TBC1D16: variants seen among roughly 807,000 people sequenced by gnomAD.
The protein encoded by TBC1D16 is TBC1 domain family member 16.
In TBC1D16, 58 loss-of-function variants were observed where a neutral mutation model predicts 74.7. The ratio of observed to expected loss-of-function variants is 0.78; its 90% CI spans 0.63 to 0.97. TBC1D16 has a LOEUF of 0.97. TBC1D16 is among the 50% of genes least tolerant of loss of function. The pLI, the probability that TBC1D16 is intolerant of heterozygous loss-of-function variation, is 0.00. For synonymous variants in TBC1D16, 493 were observed against 474.7 expected (o/e 1.04, Z -0.50); for missense variants, 1,014 against 1,079.5 (o/e 0.94, Z 0.85).
In TBC1D16 at chr17:80,006,941, G is replaced by A. The variant is rs575017446; in HGVS notation, c.779+3219C>T. 7.9e-5 allele frequency among the ~76,000 whole-genome samples: 12 copies of A among 152,276 alleles called. No homozygotes were observed. In the South Asian group the frequency reaches 1.9e-3, roughly 24 times the overall value. On this transcript the variant is annotated intron_variant, in intron 3 of 11. Coordinates refer to ENST00000310924, the MANE Select transcript of TBC1D16 (RefSeq NM_019020.4). Reference sequence around the variant, plus strand: ...CTCCCAAAGTGCTGGGATTACAGGCGTGAGTCACAGTGCCCGGCCTCCATA... The same window carrying A: ...CTCCCAAAGTGCTGGGATTACAGGCATGAGTCACAGTGCCCGGCCTCCATA...
chr17:80,015,021 A>T (rs750954013), intron 1 of TBC1D16, among the ~76,000 whole-genome samples: 2 of 152,208 alleles, frequency 1.3e-5, no homozygotes, highest in Non-Finnish European at 2.9e-5. Context: ...TCTACCAACA[A>T]AAATGAAACC....
rs190736592 is a variant in TBC1D16, at chr17:79,979,338, C to T, written c.780-26520G>A. Among the ~76,000 whole-genome samples the T allele has an allele frequency of 6.6e-6, 1 of 152,278 alleles. No homozygotes were observed. Among genetic ancestry groups the T allele is most frequent in the African/African-American group, 2.4e-5 (1 of 41,552 alleles). The stretch of plus-strand genomic sequence containing the variant: ...GCACACACGCTCCAGGGATGCACAC[C>T]CACGCCCTGGACCCCAGCAGAGGGA... On this transcript the variant is annotated intron_variant, in intron 3 of 11. Coordinates refer to ENST00000310924, the MANE Select transcript of TBC1D16 (RefSeq NM_019020.4). The surrounding 1 kb of genome is among the most constrained non-coding windows in gnomAD (Gnocchi z 4.8).
rs780026192 is a variant in TBC1D16 at position 79,951,518 on chromosome 17, C to T, written c.1021G>A (p.Gly341Ser). The T allele has an allele frequency of 1.2e-5, 20 of 1,614,068 alleles. No homozygotes were observed. The highest frequency in any genetic ancestry group is 1.4e-5 in the Non-Finnish European group (16 of 1,179,974). Reference sequence around the variant, plus strand: ...AACACGTCAGACAGCTTGTCCAGGCCGCCGTGGTGGAAGTGGAAAACCTTG... The same window carrying T: ...AACACGTCAGACAGCTTGTCCAGGCTGCCGTGGTGGAAGTGGAAAACCTTG... ...QYKVFHFHHG[G>S]LDKLSDVFQQ... Residue 341 changes from glycine to serine, a missense_variant, in exon 5 of 12, where the codon GGC becomes AGC. Transcript: ENST00000310924.
intron 1 of TBC1D16, among the ~76,000 whole-genome samples, chr17:80,023,474 A>AGGCCCACAGCCCCTGCGGC (rs1409180016): frequency 1.3e-5 from 2 of 149,998 alleles, no homozygotes; most frequent in African/African-American, 5.1e-5. Flanking sequence ...TTCCCTGCGG[A>AGGCCCACAGCCCCTGCGGC]GGCCCACAGC....
In TBC1D16 at chr17:79,987,886, G is replaced by T. The variant is rs1225758168; in HGVS notation, c.779+22274C>A. Among the ~76,000 whole-genome samples the T allele has an allele frequency of 6.6e-6, 1 of 151,820 alleles. No individual in the cohort carries two copies. Among genetic ancestry groups the T allele is most frequent in the Non-Finnish European group, 1.5e-5 (1 of 68,008 alleles). ...CACATGAGTGCTGGGTGGGGGCGGG[G>T]TGCTGGGAGATGCAGAGGCTCAGAA... is the stretch of plus-strand genomic sequence containing the variant. On this transcript the variant is annotated intron_variant, in intron 3 of 11. Transcript: ENST00000310924. This position sits in a 1 kb window ranked among gnomAD's most constrained non-coding sequence, Gnocchi z 5.2.
Position 79,981,789 on chromosome 17 carries a change from C to T in TBC1D16, c.779+28371G>A, listed in dbSNP as rs533255469. ...ACTGCACATAACGCTGAACCTGCCACGGGCACGAAGCAGACCCACATCCGT... is the reference window on the plus strand; with the variant it reads ...ACTGCACATAACGCTGAACCTGCCATGGGCACGAAGCAGACCCACATCCGT... On this transcript the variant is annotated intron_variant, in intron 3 of 11. Transcript: ENST00000310924. This position sits in a 1 kb window ranked among gnomAD's most constrained non-coding sequence, Gnocchi z 6.9. Among the ~76,000 whole-genome samples the T allele has an allele frequency of 6.6e-6, 1 of 152,360 alleles. No homozygotes were observed. Among genetic ancestry groups the T allele is most frequent in the East Asian group, 1.9e-4 (1 of 5,176 alleles).
At chr17:79,976,057 T>A (rs1363594886) in intron 3 of TBC1D16, among the ~76,000 whole-genome samples, 1 of 152,234 alleles carries the variant, frequency 6.6e-6, no homozygotes, top group Non-Finnish European at 1.5e-5. Context: ...GCAGAACAGG[T>A]GCACATCCAG....
intron 3 of TBC1D16, among the ~76,000 whole-genome samples, chr17:79,978,474 G>A (rs1016427954): frequency 8.5e-5 from 13 of 152,184 alleles, no homozygotes; most frequent in African/African-American, 3.1e-4. Context: ...GGGCCGTGGC[G>A]GGCGGGCAAC....
intron 1 of TBC1D16, among the ~76,000 whole-genome samples, chr17:80,032,540 T>C (rs1228921709): frequency 6.6e-6 from 1 of 152,086 alleles, no homozygotes; most frequent in East Asian, 1.9e-4. Flanking sequence ...AAAGCAGATT[T>C]ATTAGAGATG....
chr17:79,960,470 G>T (rs2033541850), intron 3 of TBC1D16, among the ~76,000 whole-genome samples: 1 of 152,046 alleles, frequency 6.6e-6, no homozygotes, highest in South Asian at 2.1e-4. Flanking sequence ...ACAAATGAAT[G>T]AGGCCACGAG....
intron 3 of TBC1D16, among the ~76,000 whole-genome samples, chr17:80,002,787 C>T (rs1195545540): frequency 6.6e-6 from 1 of 152,248 alleles, no homozygotes; most frequent in Non-Finnish European, 1.5e-5. Context: ...ATTTCTAGGG[C>T]GTGGTGGCCA....
At chr17:79,991,213 G>A (rs1200395060) in intron 3 of TBC1D16, among the ~76,000 whole-genome samples, 1 of 152,222 alleles carries the variant, frequency 6.6e-6, no homozygotes, top group Non-Finnish European at 1.5e-5. Context: ...CGGTCCCTGC[G>A]TCCACGCCGG....
rs761826014 is a variant in TBC1D16, at chr17:80,025,627, GCCC to G, written c.-63+10165_-63+10167del. 1.8e-4 allele frequency among the ~76,000 whole-genome samples: 25 copies of G among 140,580 alleles called. 3 individuals carry two copies. Among genetic ancestry groups the G allele is most frequent in the Admixed American group, 4.8e-4 (7 of 14,620 alleles). The allele number at this position is 140,580 out of a possible 152,430, so 92.2% of individuals were successfully genotyped here. A position where few individuals can be genotyped will look rare whatever the true frequency, so the allele number is the denominator to read the frequency against. On this transcript the variant is annotated intron_variant, in intron 1 of 11. Coordinates refer to ENST00000310924, the MANE Select transcript of TBC1D16 (RefSeq NM_019020.4). ...TGCTGGAAGCACCCCCCTGCCAGGA[GCCC>G]CCCACCCCCACCCAGGAGCACCCTC...
At chr17:80,014,343 C>T (rs188356700) in intron 1 of TBC1D16, among the ~76,000 whole-genome samples, 6 of 151,620 alleles carry the variant, frequency 4.0e-5, no homozygotes, top group South Asian at 4.2e-4. Flanking sequence ...GGCAACAGAG[C>T]GAGACTCTGT....
intron 3 of TBC1D16, 111 bp from the exon 4 acceptor site, chr17:79,952,929 C>T (rs1244466683): frequency 8.0e-7 from 1 of 1,247,358 alleles, no homozygotes; most frequent in Non-Finnish European, 1.1e-6. Context: ...AGCTTAAACA[C>T]ACATACAGGC....
In TBC1D16 at chr17:79,941,451, T is replaced by C. The variant is rs2031971023; in HGVS notation, c.2056-344A>G. On this transcript the variant is annotated intron_variant, in intron 11 of 11. Coordinates refer to ENST00000310924, the MANE Select transcript of TBC1D16 (RefSeq NM_019020.4). The surrounding 1 kb of genome is among the most constrained non-coding windows in gnomAD (Gnocchi z 4.3). ...GTCCAGCCAAGCCCACCTGTCCCTTTGGCAGCACCCCTCTCTTCTTCCCCC... is the reference window on the plus strand; with the variant it reads ...GTCCAGCCAAGCCCACCTGTCCCTTCGGCAGCACCCCTCTCTTCTTCCCCC... Among the ~76,000 whole-genome samples the C allele has an allele frequency of 6.6e-6, 1 of 150,400 alleles. No individual in the cohort carries two copies.
chr17:79,940,500 T>G lies in TBC1D16; in HGVS notation c.*359A>C. Reference sequence around the variant, plus strand: ...TCCTCTCCTGTCTCTGCTTTCCTCATTGCCTGGCGACGCTGTCTGGCTGCC... The same window carrying G: ...TCCTCTCCTGTCTCTGCTTTCCTCAGTGCCTGGCGACGCTGTCTGGCTGCC... On this transcript the variant is annotated 3_prime_UTR_variant, in exon 12 of 12. Transcript: ENST00000310924. This position sits in a 1 kb window ranked among gnomAD's most constrained non-coding sequence, Gnocchi z 5.4. 1 of 188,578 alleles carries G rather than the reference T, an allele frequency of 5.3e-6. No homozygotes were observed. The allele number at this position is 188,578 out of a possible 1,614,324, so 11.7% of individuals were successfully genotyped here. A position where few individuals can be genotyped will look rare whatever the true frequency, so the allele number is the denominator to read the frequency against.
chr17:79,950,772 G>T lies in TBC1D16; in HGVS notation c.1090-194C>A, dbSNP rs1203333753. ...TGAAAATACCTTCATCTTAAAATCG[G>T]TTTCCCTCTGCGGCTCTCTCCTCCC... On this transcript the variant is annotated intron_variant, in intron 5 of 11. Transcript: ENST00000310924. This position sits in a 1 kb window ranked among gnomAD's most constrained non-coding sequence, Gnocchi z 4.6. 6.5e-7 allele frequency: 1 copy of T among 1,536,092 alleles called. No homozygotes were observed. Among genetic ancestry groups the T allele is most frequent in the African/African-American group, 1.4e-5 (1 of 73,008 alleles).
At chr17:80,017,140 C>T (rs1010515095) in intron 1 of TBC1D16, among the ~76,000 whole-genome samples, 1 of 152,130 alleles carries the variant, frequency 6.6e-6, no homozygotes, top group Admixed American at 6.6e-5. Context: ...AAGTCGACCC[C>T]TTGGTGCAGG....
Sources: allele counts gnomAD v4.1 joint callset (sites outside exome capture counted in the v4.1 genomes callset), GRCh38; gene constraint gnomAD v4.1.1; non-coding constraint Gnocchi (gnomAD v3.1); transcripts MANE v1.5; gene names NCBI Gene and HGNC (gene_info 2026-07-23, HGNC 2026-07-21).